Variants in KAZN observed in about 807,000 individuals in gnomAD.
KAZN encodes the protein kazrin, periplakin interacting protein.
KAZN carries 40 observed loss-of-function variants against 87.4 expected under a neutral mutation model. The observed-to-expected ratio is 0.46, with a 90% CI of 0.36 to 0.60. The LOEUF (loss-of-function observed/expected upper bound fraction) is 0.60, where lower values mean the gene tolerates loss of function less well. KAZN is among the 20% of genes least tolerant of loss of function. The pLI is 0.00. For missense variants in KAZN, 898 were observed against 1,073.9 expected, an observed-to-expected ratio of 0.84 and a Z score of 2.29; for synonymous variants, 466 against 458.3, an observed-to-expected ratio of 1.02 and a Z score of -0.22.
At chr1:14,215,907 T>C (rs973698514) in intron 2 of KAZN, among the ~76,000 whole-genome samples, 8 of 152,194 alleles carry the variant, frequency 5.3e-5, no homozygotes, top group African/African-American at 1.9e-4. Context: ...AGGAATAATG[T>C]CTTTAATTAT....
chr1:14,236,471 G>A (rs1238223192), intron 2 of KAZN, among the ~76,000 whole-genome samples: 2 of 152,128 alleles, frequency 1.3e-5, no homozygotes, highest in Non-Finnish European at 2.9e-5. Context: ...AGGCCTGGCC[G>A]GGGCTTCCCT....
chr1:14,294,660 C>T (rs1653978987), intron 2 of KAZN, among the ~76,000 whole-genome samples: 1 of 142,860 alleles, frequency 7.0e-6, no homozygotes, highest in Non-Finnish European at 1.5e-5. Context: ...GTTTCCCTGG[C>T]AGGGTTTTTG....
At chr1:14,649,415 T>G (rs1681054362) in intron 1 of KAZN, among the ~76,000 whole-genome samples, 1 of 152,218 alleles carries the variant, frequency 6.6e-6, no homozygotes, top group Non-Finnish European at 1.5e-5. Flanking sequence ...GGTGAAGTTT[T>G]AACCCAGGCA....
At chr1:15,015,858 C>A (rs540082021) in intron 2 of KAZN, among the ~76,000 whole-genome samples, 8 of 152,282 alleles carry the variant, frequency 5.3e-5, no homozygotes, top group African/African-American at 1.9e-4. Context: ...GACCGGCCTA[C>A]CTGTCTCCAC....
At chr1:13,922,235 G>A (rs375041586) in intron 1 of KAZN, among the ~76,000 whole-genome samples, 8 of 152,006 alleles carry the variant, frequency 5.3e-5, no homozygotes, top group South Asian at 4.2e-4. Flanking sequence ...TCGGTCCCCC[G>A]CCCCCAACTC....
At chr1:13,917,250 A>T (rs1449744296) in intron 1 of KAZN, among the ~76,000 whole-genome samples, 1 of 152,248 alleles carries the variant, frequency 6.6e-6, no homozygotes, top group African/African-American at 2.4e-5. Context: ...GCAGCAAGTT[A>T]TCCAGAATAT....
intron 1 of KAZN, among the ~76,000 whole-genome samples, chr1:14,874,860 A>G (rs1330876197): frequency 6.6e-6 from 1 of 152,144 alleles, no homozygotes; most frequent in East Asian, 1.9e-4. Flanking sequence ...AGGAAAAAAA[A>G]CTAACTCTGG....
intron 8 of KAZN, among the ~76,000 whole-genome samples, chr1:15,092,531 GT>G (rs1161727939): frequency 6.6e-6 from 1 of 151,972 alleles, no homozygotes; most frequent in African/African-American, 2.4e-5. Flanking sequence ...GAGTACAGTG[GT>G]ATGATCTTGG....
chr1:14,983,379 A>G (rs1214567469), intron 2 of KAZN, among the ~76,000 whole-genome samples: 2 of 152,296 alleles, frequency 1.3e-5, no homozygotes, highest in African/African-American at 4.8e-5. Flanking sequence ...AACGCAAATT[A>G]AAACAACCCT....
At chr1:14,728,701 C>A (rs1455247285) in intron 1 of KAZN, among the ~76,000 whole-genome samples, 1 of 152,162 alleles carries the variant, frequency 6.6e-6, no homozygotes, top group Non-Finnish European at 1.5e-5. Context: ...CTAGGATACA[C>A]CCATGAGGAC....
At chr1:14,047,471 T>C (rs1642124523) in intron 1 of KAZN, among the ~76,000 whole-genome samples, 1 of 152,186 alleles carries the variant, frequency 6.6e-6, no homozygotes, top group South Asian at 2.1e-4. Flanking sequence ...AGGGAACTTA[T>C]CAGACTCCAA....
At chr1:14,337,121 A>T (rs1337461972) in intron 2 of KAZN, among the ~76,000 whole-genome samples, 2 of 152,262 alleles carry the variant, frequency 1.3e-5, no homozygotes, top group Non-Finnish European at 2.9e-5. Context: ...TTTAAATGAG[A>T]TGACGCATAT....
At chr1:14,044,896 C>T (rs1378577237) in intron 1 of KAZN, among the ~76,000 whole-genome samples, 1 of 152,188 alleles carries the variant, frequency 6.6e-6, no homozygotes, top group East Asian at 1.9e-4. Flanking sequence ...TCAGAAGAAG[C>T]CTTTCAGCTT....
At chr1:15,106,974 C>A (rs1279179589) in intron 13 of KAZN, among the ~76,000 whole-genome samples, 4 of 151,704 alleles carry the variant, frequency 2.6e-5, no homozygotes, top group African/African-American at 7.2e-5. Flanking sequence ...TCAAAACAAA[C>A]AAAAAAAATA....
At chr1:14,971,774 CG>C (rs1178540312) in intron 2 of KAZN, among the ~76,000 whole-genome samples, 1 of 151,082 alleles carries the variant, frequency 6.6e-6, no homozygotes, top group African/African-American at 2.4e-5. Context: ...CTCCGCCTCC[CG>C]GGTTCACACC....
chr1:14,063,619 G>A (rs974972070), intron 1 of KAZN, among the ~76,000 whole-genome samples: 4 of 152,150 alleles, frequency 2.6e-5, no homozygotes, highest in African/African-American at 9.7e-5. Flanking sequence ...GTATTTAAAA[G>A]TACATTACGG....
intron 2 of KAZN, among the ~76,000 whole-genome samples, chr1:14,557,483 TTAAATA>T (rs1288163362): frequency 6.6e-6 from 1 of 152,026 alleles, no homozygotes; most frequent in Non-Finnish European, 1.5e-5. Context: ...TTTTTCCACA[TTAAATA>T]TAAATATATT....
chr1:14,774,615 C>T (rs556615523), intron 1 of KAZN, among the ~76,000 whole-genome samples: 5 of 152,174 alleles, frequency 3.3e-5, no homozygotes, highest in African/African-American at 4.8e-5. Flanking sequence ...GGACTACAGG[C>T]ATGCATCACC....
chr1:15,070,577 T>C (rs925871378), intron 8 of KAZN, among the ~76,000 whole-genome samples: 3 of 152,202 alleles, frequency 2.0e-5, no homozygotes, highest in African/African-American at 7.2e-5. Flanking sequence ...TGACAAACGG[T>C]ATCGTGCCCG....
Sources: allele counts gnomAD v4.1 joint callset (sites outside exome capture counted in the v4.1 genomes callset), GRCh38; gene constraint gnomAD v4.1.1; transcripts MANE v1.5; gene names NCBI Gene and HGNC (gene_info 2026-07-23, HGNC 2026-07-21).